Variants in GPX5 observed in about 807,000 individuals in gnomAD.
GPX5 encodes epididymal secretory glutathione peroxidase.
Under a neutral mutation model 23.8 loss-of-function variants are expected in GPX5, and 20 were observed. The observed-to-expected ratio is 0.84, with a 90% confidence interval of 0.59 to 1.22. The LOEUF (loss-of-function observed/expected upper bound fraction) is 1.22. GPX5 is among the 50% of genes most tolerant of loss of function. The probability of loss-of-function intolerance (pLI) is 0.00; values close to 1 mark genes in which losing one functional copy is unlikely to be tolerated. For synonymous variants in GPX5, 92 were observed against 99.5 expected (o/e 0.92, Z 0.45); for missense variants, 230 against 266.6 (o/e 0.86, Z 0.96).
rs1340334460 is a variant in GPX5 at position 28,527,273 on chromosome 6, C to T, written c.87+1173C>T. Among the ~76,000 whole-genome samples the T allele has an allele frequency of 2.0e-5, 3 of 151,974 alleles. No homozygotes were observed. The East Asian group carries it at 5.8e-4, about 29-fold the overall frequency. On this transcript the variant is annotated intron_variant, in intron 1 of 4. Transcript: ENST00000412168. ...GCAAAAGAAAAAAAAAAGGCAAATTCTTGCAAATGTTTAACTTGAAACTAG... is the reference window on the plus strand; with the variant it reads ...GCAAAAGAAAAAAAAAAGGCAAATTTTTGCAAATGTTTAACTTGAAACTAG...
chr6:28,529,420 C>G, intron 1 of GPX5, 31 bp from the exon 2 acceptor site: 1 of 1,554,244 alleles, frequency 6.4e-7, no homozygotes, highest in South Asian at 1.2e-5. Flanking sequence ...ATTATTGTTA[C>G]CAGTATTATC....
chr6:28,530,681 G>A (rs975197328), intron 2 of GPX5, among the ~76,000 whole-genome samples: 2 of 152,006 alleles, frequency 1.3e-5, no homozygotes, highest in African/African-American at 4.8e-5. Context: ...AATATTTATT[G>A]GACCACAATT....
intron 2 of GPX5, among the ~76,000 whole-genome samples, chr6:28,531,370 CAAAAAAAAAA>C (rs1193939654): frequency 2.0e-5 from 1 of 50,114 alleles, no homozygotes; most frequent in African/African-American, 7.3e-5. Flanking sequence ...GAATCTGTCT[CAAAAAAAAAA>C]AAAAAAAAAA....
chr6:28,532,356 T>C lies in GPX5; in HGVS notation c.395T>C (p.Phe132Ser). The C allele has an allele frequency of 6.3e-7, 1 of 1,590,458 alleles. No individual in the cohort carries two copies. Among genetic ancestry groups the C allele is most frequent in the Non-Finnish European group, 8.5e-7 (1 of 1,172,344 alleles). ...VRPGGGFVPS[F>S]QLFEKGDVNG... The stretch of plus-strand genomic sequence containing the variant: ...CCAGGGGGAGGATTTGTACCTAGTT[T>C]CCAGCTTTTTGAGAAAGGGGATGTG... Residue 132 changes from phenylalanine to serine, a missense_variant, in exon 4 of 5, where the codon TTC (phenylalanine) becomes TCC (serine). Transcript: ENST00000412168.
chr6:28,528,407 C>T (rs1463109412), intron 1 of GPX5: 1 of 152,154 alleles, frequency 6.6e-6, no homozygotes, highest in Non-Finnish European at 1.5e-5. Flanking sequence ...ATGGAGCTGG[C>T]TTCTGATTCC....
intron 1 of GPX5, among the ~76,000 whole-genome samples, chr6:28,526,764 C>T (rs964559723): frequency 6.6e-6 from 1 of 152,116 alleles, no homozygotes; most frequent in Admixed American, 6.5e-5. Flanking sequence ...AGAAAATAAT[C>T]ATGAAGTTAG....
chr6:28,533,418 G>A (rs1358968450), intron 4 of GPX5, among the ~76,000 whole-genome samples: 2 of 152,132 alleles, frequency 1.3e-5, no homozygotes, highest in South Asian at 4.1e-4. Context: ...AACAGTGTGG[G>A]AAGTTTTTTA....
chr6:28,526,624 G>A (rs1763214000), intron 1 of GPX5, among the ~76,000 whole-genome samples: 1 of 152,190 alleles, frequency 6.6e-6, no homozygotes, highest in Admixed American at 6.5e-5. Flanking sequence ...TTTGGAGTCA[G>A]GCATCTTGGA....
In GPX5 at chr6:28,531,845, A is replaced by G. The variant is rs199522987; in HGVS notation, c.309A>G (p.Gln103=). The G allele has an allele frequency of 2.1e-5, 34 of 1,613,962 alleles. No individual in the cohort carries two copies. Among genetic ancestry groups the G allele is most frequent in the African/African-American group, 4.0e-5 (3 of 75,012 alleles). The change falls in exon 3 of 5, where the codon CAA becomes CAG. Residue 103 remains glutamine, a synonymous_variant. Transcript: ENST00000412168. The part of the protein sequence containing the change: ...GLVVLGFPCN[Q]FGKQEPGDNK... ...TTGTGTTGGGCTTTCCCTGCAACCA[A>G]TTTGGAAAGCAAGAACCAGGAGATA...
At position 28,534,173 on chromosome 6, in the gene GPX5, T is replaced by A. The variant is rs1763382218; in HGVS notation, c.*6T>A. 1.3e-6 allele frequency: 2 copies of A among 1,566,792 alleles called. No homozygotes were observed. Among genetic ancestry groups the A allele is most frequent in the Non-Finnish European group, 1.7e-6 (2 of 1,158,268 alleles). ...AGCAATTCAAAACCAAATAGGAAGG[T>A]GGAGTTAAGGGCAGGAGCAACCCTA... On this transcript the variant is annotated 3_prime_UTR_variant, in exon 5 of 5. Coordinates refer to ENST00000412168, the MANE Select transcript of GPX5 (RefSeq NM_001509.3).
chr6:28,529,696 TATGTA>T, intron 2 of GPX5, 92 bp downstream of exon 2: 3 of 961,934 alleles, frequency 3.1e-6, no homozygotes, highest in Non-Finnish European at 4.4e-6. Context: ...TAATTATAAT[TATGTA>T]CCAAAATAAA....
chr6:28,531,797 G>A lies in GPX5; in HGVS notation c.261G>A (p.Glu87=). Residue 87 remains glutamate, a synonymous_variant, in exon 3 of 5, where the codon GAG becomes GAA. Coordinates refer to ENST00000412168, the MANE Select transcript of GPX5 (RefSeq NM_001509.3). ...CTGCAGAACTAAATGCACTCCAGGA[G>A]GAGCTGAAGCCCTATGGTCTAGTTG... ...AQYPELNALQ[E]ELKPYGLVVL... The A allele has an allele frequency of 6.2e-7, 1 of 1,612,146 alleles. No individual in the cohort carries two copies. Among genetic ancestry groups the A allele is most frequent in the Non-Finnish European group, 8.5e-7 (1 of 1,179,140 alleles).
In GPX5 at chr6:28,533,994, A is replaced by G. The variant is rs1763375289; in HGVS notation, c.493A>G (p.Thr165Ala). ...TCCTCATCCCTCTGAGATTTTGGGCACATTCAAATCTATATCCTGGGACCC... is the reference window on the plus strand; with the variant it reads ...TCCTCATCCCTCTGAGATTTTGGGCGCATTCAAATCTATATCCTGGGACCC... The part of the protein sequence containing the change: ...SCPHPSEILG[T>A]FKSISWDPVK... Residue 165 changes from threonine to alanine, a missense_variant, in exon 5 of 5, where the codon ACA becomes GCA. By Grantham distance (58) the Thr-to-Ala change is moderately conservative. Transcript: ENST00000412168. 6.2e-7 allele frequency: 1 copy of G among 1,601,402 alleles called. No individual in the cohort carries two copies. The highest frequency in any genetic ancestry group is 1.3e-5 in the African/African-American group (1 of 74,366).
chr6:28,534,878 A>G lies in GPX5; in HGVS notation c.*711A>G, dbSNP rs552108652. 3 of 152,314 alleles carry G rather than the reference A, an allele frequency of 2.0e-5. No individual in the cohort carries two copies. The highest frequency in any genetic ancestry group is 6.5e-5 in the Admixed American group (1 of 15,296). The allele number at this position is 152,314 out of a possible 1,614,324, so 9.4% of individuals were successfully genotyped here. On this transcript the variant is annotated 3_prime_UTR_variant, in exon 5 of 5. Coordinates refer to ENST00000412168, the MANE Select transcript of GPX5 (RefSeq NM_001509.3). ...TATCTTTTGAAGGATGGGATTTCCC[A>G]TCTCAACCCTGGATTCCTCACCTTC...
At position 28,534,214 on chromosome 6, in the gene GPX5, C is replaced by T. The variant is rs1034726818; in HGVS notation, c.*47C>T. 2.9e-6 allele frequency: 4 copies of T among 1,367,488 alleles called. No homozygotes were observed. The highest frequency in any genetic ancestry group is 4.0e-6 in the Non-Finnish European group (4 of 1,007,000). 84.7% of individuals were successfully genotyped at this position (1,367,488 alleles called of 1,614,324 possible). ...AGCAACCCTACTTCTCACCTAATGA[C>T]TTGCTCTCCCCACCCCTCCAAAAAA... On this transcript the variant is annotated 3_prime_UTR_variant, in exon 5 of 5. Coordinates refer to ENST00000412168, the MANE Select transcript of GPX5 (RefSeq NM_001509.3).
In GPX5 at chr6:28,532,409, A is replaced by G. The variant is rs773318023; in HGVS notation, c.448A>G (p.Ser150Gly). Residue 150 changes from serine (S) to glycine (G), a missense_variant, in exon 4 of 5, where the codon AGT (serine) becomes GGT (glycine). Transcript: ENST00000412168. ...VNGEKEQKVF[S>G]FLKHSCPHPS... ...TGGTGAAAAAGAACAGAAAGTCTTC[A>G]GTTTCTTGAAGGTGAGTAAATTCCT... 6.3e-7 allele frequency: 1 copy of G among 1,581,378 alleles called. No homozygotes were observed. Among genetic ancestry groups the G allele is most frequent in the South Asian group, 1.2e-5 (1 of 85,862 alleles).
At chr6:28,527,560 A>T (rs1332032811) in intron 1 of GPX5, 1 of 152,214 alleles carries the variant, frequency 6.6e-6, no homozygotes, top group African/African-American at 2.4e-5. Context: ...TGGGGGGCAG[A>T]TGATGTTCAA....
At chr6:28,528,251 G>A (rs1763243990) in intron 1 of GPX5, 2 of 152,164 alleles carry the variant, frequency 1.3e-5, no homozygotes, top group South Asian at 4.1e-4. Context: ...TTTATTCAAG[G>A]TGGGGATAAT....
rs145356221 is a variant in GPX5, at chr6:28,530,599, C to T, written c.241+995C>T. ...GATAACACACAATAAATACTATTTG[C>T]TGCCTTGATTTTTTAATTAATAAAA... On this transcript the variant is annotated intron_variant, in intron 2 of 4. Coordinates refer to ENST00000412168, the MANE Select transcript of GPX5 (RefSeq NM_001509.3). Among the ~76,000 whole-genome samples, 443 of 152,230 alleles carry T rather than the reference C, an allele frequency of 2.9e-3. 13 individuals carry two copies. The highest frequency in any genetic ancestry group is 0.025 in the Admixed American group (380 of 15,294).
Sources: gnomAD v4.1 joint callset for allele counts (sites outside exome capture counted in the v4.1 genomes callset) on GRCh38, gnomAD v4.1.1 for gene constraint, MANE v1.5 for transcripts, NCBI Gene and HGNC (gene_info 2026-07-23, HGNC 2026-07-21) for gene names.